The following ANXA8 variants were observed in gnomAD, a reference collection of about 807,000 sequenced individuals.
ANXA8 encodes VAC-beta.
A neutral mutation model predicts 26.8 loss-of-function variants in ANXA8; 9 were observed. The ratio of observed to expected loss-of-function variants is 0.34; its 90% CI spans 0.20 to 0.59. The LOEUF is 0.59. Among genes scored for constraint, ANXA8 ranks in the 20% least tolerant of loss-of-function variants. ANXA8 has a pLI of 0.84. For synonymous variants in ANXA8, 39 were observed against 94.8 expected (o/e 0.41, Z 3.42); for missense variants, 83 against 238.5 (o/e 0.35, Z 4.29).
the ANXA8 span, among the ~76,000 whole-genome samples, chr10:47,732,831 C>A: frequency 7.0e-6 from 1 of 142,990 alleles, no homozygotes; most frequent in African/African-American, 2.6e-5. Context: ...CTACCATGTG[C>A]TAGGCACTGG....
chr10:47,660,660 C>T, the ANXA8 span, among the ~76,000 whole-genome samples: 1 of 151,742 alleles, frequency 6.6e-6, no homozygotes, highest in Non-Finnish European at 1.5e-5. Context: ...CTCGGTCTCC[C>T]AAAGTTCTGG....
chr10:47,704,043 C>A, the ANXA8 span, among the ~76,000 whole-genome samples: 2 of 140,158 alleles, frequency 1.4e-5, no homozygotes, highest in African/African-American at 2.5e-5. Flanking sequence ...CTAGAGGAGA[C>A]CAAAGAGAAA....
chr10:47,551,757 G>A, the ANXA8 span: 9 of 314,442 alleles, frequency 2.9e-5, no homozygotes, highest in Middle Eastern at 5.8e-4. Flanking sequence ...TGAAAGGATC[G>A]AGACATCCAC....
chr10:47,468,864 C>G lies in ANXA8; in HGVS notation c.967G>C (p.Val323Leu). The G allele has an allele frequency of 6.2e-7, 1 of 1,611,010 alleles. No individual in the cohort carries two copies. Among genetic ancestry groups the G allele is most frequent in the Non-Finnish European group, 8.5e-7 (1 of 1,179,716 alleles). ...TCTGTGCCTCAGGGGTCGCTGCCCA[C>G]CAGGCTCAGCAGGGCGTTCTTGTAG... Reference protein sequence around the residue: ...GDYKNALLSLVGSDP With the variant: ...GDYKNALLSLLGSDP Residue 323 changes from valine to leucine, a missense_variant, in exon 12 of 12, where the codon GTG (valine) becomes CTG (leucine). Physicochemically the swap from Val to Leu is conservative, Grantham distance 32. This residue lies in a region of ANXA8 where 28 missense variants were observed against 37.7 expected (regional missense o/e 0.74). Transcript: ENST00000585281.
At chr10:47,932,732 GTC>G in the ANXA8 span, among the ~76,000 whole-genome samples, 2,020 of 86,154 alleles carry the variant, frequency 0.023, 338 homozygotes, top group African/African-American at 0.11. Context: ...CTGTCTTTCT[GTC>G]TCTCTCTCTC....
the ANXA8 span, among the ~76,000 whole-genome samples, chr10:47,495,428 G>A: frequency 5.4e-3 from 816 of 150,326 alleles, 34 homozygotes; most frequent in East Asian, 0.11. Flanking sequence ...TGGGATTACC[G>A]GCACATGCCA....
chr10:47,768,891 G>T, the ANXA8 span, among the ~76,000 whole-genome samples: 43 of 150,938 alleles, frequency 2.8e-4, 1 homozygote, highest in Non-Finnish European at 1.0e-4. Flanking sequence ...CACATGACAC[G>T]CCACTGGTAG....
chr10:47,511,223 G>C, the ANXA8 span, among the ~76,000 whole-genome samples: 3 of 141,028 alleles, frequency 2.1e-5, no homozygotes, highest in African/African-American at 7.9e-5. Flanking sequence ...GATTACAGGC[G>C]TGAGCCACGG....
At chr10:47,981,098 T>C in the ANXA8 span, among the ~76,000 whole-genome samples, 1 of 151,826 alleles carries the variant, frequency 6.6e-6, no homozygotes, top group Admixed American at 6.6e-5. Flanking sequence ...AAAATGATTA[T>C]GTATCACAAT....
the ANXA8 span, among the ~76,000 whole-genome samples, chr10:47,580,599 G>A: frequency 1.0e-3 from 157 of 149,722 alleles, 6 homozygotes; most frequent in African/African-American, 3.5e-3. Flanking sequence ...AATTAGCTGG[G>A]TGTAGTGGTG....
the ANXA8 span, among the ~76,000 whole-genome samples, chr10:47,589,677 C>T: frequency 8.9e-5 from 13 of 145,412 alleles, no homozygotes; most frequent in East Asian, 1.5e-3. Context: ...TTCTCATTCT[C>T]GCTGCTCTCT....
At chr10:47,694,260 A>ATTTCT in the ANXA8 span, among the ~76,000 whole-genome samples, 40 of 151,062 alleles carry the variant, frequency 2.6e-4, no homozygotes, top group African/African-American at 9.3e-4. Flanking sequence ...TAGTTCACCG[A>ATTTCT]ATTCTGAATA....
At chr10:47,558,416 C>T in the ANXA8 span, among the ~76,000 whole-genome samples, 1 of 151,818 alleles carries the variant, frequency 6.6e-6, no homozygotes, top group Non-Finnish European at 1.5e-5. Context: ...CAGCCGTGGA[C>T]TCCTGCTCTT....
the ANXA8 span, among the ~76,000 whole-genome samples, chr10:47,576,408 T>C: frequency 1.4e-5 from 2 of 142,696 alleles, no homozygotes; most frequent in African/African-American, 2.5e-5. Flanking sequence ...TTAGGTTGTA[T>C]GTAAGAAACC....
At chr10:47,710,366 T>C in the ANXA8 span, 1 of 943,890 alleles carries the variant, frequency 1.1e-6, no homozygotes. Context: ...TTCAACCTGA[T>C]GTGTTAGTCC....
At chr10:47,704,682 G>A in the ANXA8 span, among the ~76,000 whole-genome samples, 1 of 151,846 alleles carries the variant, frequency 6.6e-6, no homozygotes, top group Non-Finnish European at 1.5e-5. Context: ...TGAAAATTTA[G>A]CAAAGTAGCT....
intron 11 of ANXA8, among the ~76,000 whole-genome samples, chr10:47,469,998 C>T (rs1187411586): frequency 6.6e-6 from 1 of 151,596 alleles, no homozygotes. Flanking sequence ...CCCGCGTTGG[C>T]CTCCCAAAGC....
chr10:47,733,892 T>C, the ANXA8 span, among the ~76,000 whole-genome samples: 1 of 152,128 alleles, frequency 6.6e-6, no homozygotes, highest in African/African-American at 2.4e-5. Flanking sequence ...GCTTCCACGT[T>C]GTTAAGAAAT....
the ANXA8 span, among the ~76,000 whole-genome samples, chr10:47,533,216 C>T: frequency 7.3e-3 from 1,027 of 141,194 alleles, 8 homozygotes; most frequent in Non-Finnish European, 0.012. Context: ...CACACACACA[C>T]ACACACACCC....
Sources: allele counts gnomAD v4.1 joint callset (sites outside exome capture counted in the v4.1 genomes callset), GRCh38; gene constraint gnomAD v4.1.1; regional missense constraint gnomAD v4.1.1; transcripts MANE v1.5; gene names NCBI Gene and HGNC (gene_info 2026-07-23, HGNC 2026-07-21).